PKIB: variants seen among roughly 807,000 people sequenced by gnomAD.
The protein encoded by PKIB is cAMP-dependent protein kinase inhibitor beta.
A neutral mutation model predicts 4.5 loss-of-function variants in PKIB; 2 were observed. The ratio of observed to expected loss-of-function variants is 0.44; its 90% CI spans 0.18 to 1.39. PKIB has a LOEUF of 1.39. PKIB is among the 40% of genes most tolerant of loss of function. The pLI, the probability that PKIB is intolerant of heterozygous loss-of-function variation, is 0.27. For missense variants in PKIB, 94 were observed against 92.6 expected (o/e 1.02, Z -0.06); for synonymous variants, 38 against 36.0 (o/e 1.06, Z -0.20).
intron 2 of PKIB, among the ~76,000 whole-genome samples, chr6:122,583,326 T>C (rs1439786485): frequency 6.6e-6 from 1 of 152,106 alleles, no homozygotes; most frequent in Non-Finnish European, 1.5e-5. Context: ...CAAGCATTTC[T>C]AGGGAAGGAC....
At chr6:122,621,198 G>A (rs948997525) in intron 1 of PKIB, among the ~76,000 whole-genome samples, 2 of 152,174 alleles carry the variant, frequency 1.3e-5, no homozygotes, top group African/African-American at 4.8e-5. Flanking sequence ...ACCTGTCTCT[G>A]ATATTATAGG....
chr6:122,481,887 A>G (rs151118110), intron 2 of PKIB: 1 of 152,112 alleles, frequency 6.6e-6, no homozygotes, highest in African/African-American at 2.4e-5. Flanking sequence ...TAATTATGTT[A>G]TCAACACCCA....
At chr6:122,654,224 ATTC>A (rs1437120307) in intron 2 of PKIB, among the ~76,000 whole-genome samples, 1 of 152,196 alleles carries the variant, frequency 6.6e-6, no homozygotes, top group Non-Finnish European at 1.5e-5. Flanking sequence ...CAGGGTTTGG[ATTC>A]TTCTTAGGAG....
chr6:122,564,719 T>C (rs1562253111), intron 2 of PKIB, among the ~76,000 whole-genome samples: 2 of 152,158 alleles, frequency 1.3e-5, no homozygotes, highest in African/African-American at 2.4e-5. Flanking sequence ...CAGTTTCATA[T>C]TCTTAAGTAA....
chr6:122,595,762 T>C (rs932165814), intron 3 of PKIB, among the ~76,000 whole-genome samples: 1 of 152,172 alleles, frequency 6.6e-6, no homozygotes, highest in Non-Finnish European at 1.5e-5. Context: ...GCTGAGTCCA[T>C]GTGTAACCTC....
chr6:122,540,454 G>T (rs1777558706), intron 2 of PKIB, among the ~76,000 whole-genome samples: 1 of 152,054 alleles, frequency 6.6e-6, no homozygotes, highest in African/African-American at 2.4e-5. Context: ...TAGTCATACA[G>T]GAGCAGGTTG....
At chr6:122,628,805 C>T (rs901309779) in intron 1 of PKIB, among the ~76,000 whole-genome samples, 2 of 152,188 alleles carry the variant, frequency 1.3e-5, no homozygotes, top group Non-Finnish European at 2.9e-5. Flanking sequence ...AATTTAAATT[C>T]TCTCCTCTCT....
At chr6:122,699,530 T>C (rs1375652588) in intron 3 of PKIB, among the ~76,000 whole-genome samples, 1 of 152,092 alleles carries the variant, frequency 6.6e-6, no homozygotes, top group Non-Finnish European at 1.5e-5. Context: ...TGTTCCAGGT[T>C]TAAGGACAGG....
chr6:122,594,439 T>G (rs911563941), intron 3 of PKIB, among the ~76,000 whole-genome samples: 1 of 152,144 alleles, frequency 6.6e-6, no homozygotes, highest in Non-Finnish European at 1.5e-5. Flanking sequence ...TCTCCTGACC[T>G]CATGATCTGC....
intron 3 of PKIB, chr6:122,700,991 G>C (rs1778791573): frequency 6.1e-6 from 1 of 163,916 alleles, no homozygotes; most frequent in African/African-American, 2.4e-5. Context: ...ACTGGCTATG[G>C]GTTTTGCATT....
At chr6:122,558,381 A>G (rs1014909309) in intron 2 of PKIB, among the ~76,000 whole-genome samples, 3 of 152,206 alleles carry the variant, frequency 2.0e-5, no homozygotes, top group African/African-American at 7.2e-5. Context: ...GATTTGGTTC[A>G]TGTACCTTGA....
intron 3 of PKIB, among the ~76,000 whole-genome samples, chr6:122,681,884 C>G (rs2566813): frequency 0.99 from 150,289 of 152,338 alleles, 74,156 homozygotes; most frequent in Middle Eastern, 1. Context: ...CTTAAGAAAG[C>G]ATGCGCTAAT....
chr6:122,494,007 T>A (rs1219006244), intron 2 of PKIB, among the ~76,000 whole-genome samples: 1 of 152,058 alleles, frequency 6.6e-6, no homozygotes, highest in East Asian at 1.9e-4. Flanking sequence ...TCCTTAAGAG[T>A]CATGAGACAT....
chr6:122,673,687 A>G (rs1777553884), intron 2 of PKIB, among the ~76,000 whole-genome samples: 1 of 152,214 alleles, frequency 6.6e-6, no homozygotes, highest in African/African-American at 2.4e-5. Flanking sequence ...AAAACACCTA[A>G]TGCACCTTGA....
chr6:122,624,311 G>A (rs923482756), intron 1 of PKIB, among the ~76,000 whole-genome samples: 1 of 152,144 alleles, frequency 6.6e-6, no homozygotes, highest in African/African-American at 2.4e-5. Context: ...TTGGGCCATA[G>A]TCCATAGCAG....
At chr6:122,653,489 T>G (rs1776646802) in intron 2 of PKIB, among the ~76,000 whole-genome samples, 1 of 152,030 alleles carries the variant, frequency 6.6e-6, no homozygotes, top group African/African-American at 2.4e-5. Flanking sequence ...AGAGAGATTT[T>G]TATGAAGAAC....
At chr6:122,663,035 G>T (rs575793530) in intron 2 of PKIB, among the ~76,000 whole-genome samples, 2 of 152,054 alleles carry the variant, frequency 1.3e-5, no homozygotes. Context: ...ATGGAAATTG[G>T]ACTCTGGTGA....
intron 3 of PKIB, among the ~76,000 whole-genome samples, chr6:122,588,686 G>C (rs1773926581): frequency 6.6e-6 from 1 of 151,914 alleles, no homozygotes; most frequent in African/African-American, 2.4e-5. Flanking sequence ...TTTGTTTTCT[G>C]GTATTATTTC....
intron 2 of PKIB, among the ~76,000 whole-genome samples, chr6:122,487,222 G>C (rs1775792354): frequency 6.6e-6 from 1 of 152,124 alleles, no homozygotes; most frequent in South Asian, 2.1e-4. Flanking sequence ...GTTGCATTTA[G>C]TTGTCATGTC....
Sources: gnomAD v4.1 joint callset for allele counts (sites outside exome capture counted in the v4.1 genomes callset) on GRCh38, gnomAD v4.1.1 for gene constraint, MANE v1.5 for transcripts, NCBI Gene and HGNC (gene_info 2026-07-23, HGNC 2026-07-21) for gene names.